Variants in PHF20 observed in about 807,000 individuals in gnomAD.
PHF20 encodes PHD finger protein 20.
Under a neutral mutation model 113.5 loss-of-function variants are expected in PHF20, and 23 were observed. The ratio of observed to expected loss-of-function variants is 0.20; its 90% CI spans 0.15 to 0.29. The LOEUF is 0.29. PHF20 is among the 10% of genes least tolerant of loss of function. PHF20 has a pLI of 1.00. For missense variants in PHF20, 943 were observed against 1,219.6 expected, an observed-to-expected ratio of 0.77 and a Z score of 3.38; for synonymous variants, 434 against 457.3, an observed-to-expected ratio of 0.95 and a Z score of 0.65.
At chr20:35,888,304 A>G (rs2054776824) in intron 9 of PHF20, among the ~76,000 whole-genome samples, 1 of 152,068 alleles carries the variant, frequency 6.6e-6, no homozygotes, top group Non-Finnish European at 1.5e-5. Flanking sequence ...ATTAAAAGCA[A>G]AATTTGTGGA....
chr20:35,907,644 C>G (rs940167512), intron 10 of PHF20, among the ~76,000 whole-genome samples: 3 of 152,224 alleles, frequency 2.0e-5, no homozygotes, highest in African/African-American at 7.2e-5. Context: ...AGAACAAACC[C>G]TCTGAGGTGG....
intron 7 of PHF20, among the ~76,000 whole-genome samples, chr20:35,870,033 G>A (rs2054390140): frequency 6.6e-6 from 1 of 150,904 alleles, no homozygotes; most frequent in African/African-American, 2.4e-5. Flanking sequence ...GGCCAGGCGC[G>A]GTAGCTCACG....
At chr20:35,798,687 C>T (rs928779001) in intron 1 of PHF20, among the ~76,000 whole-genome samples, 5 of 152,146 alleles carry the variant, frequency 3.3e-5, no homozygotes, top group African/African-American at 1.2e-4. Flanking sequence ...CTCCTGACCT[C>T]AGGTGATCCG....
chr20:35,783,344 C>T (rs1222018043), intron 1 of PHF20, among the ~76,000 whole-genome samples: 1 of 151,984 alleles, frequency 6.6e-6, no homozygotes, highest in East Asian at 1.9e-4. Flanking sequence ...TCCATGGGCC[C>T]TTCAGTGGGC....
At chr20:35,902,483 C>T (rs192074989) in intron 10 of PHF20, among the ~76,000 whole-genome samples, 2 of 152,298 alleles carry the variant, frequency 1.3e-5, no homozygotes, top group East Asian at 1.9e-4. Flanking sequence ...GGTGTGTGCT[C>T]TCTGTGCTAG....
intron 2 of PHF20, among the ~76,000 whole-genome samples, chr20:35,829,781 G>C (rs531709210): frequency 1.3e-3 from 194 of 152,176 alleles, no homozygotes; most frequent in African/African-American, 4.4e-3. Flanking sequence ...TATTGCATGA[G>C]CCCAGGAGTT....
chr20:35,783,707 C>T (rs1683742676), intron 1 of PHF20, among the ~76,000 whole-genome samples: 2 of 151,866 alleles, frequency 1.3e-5, no homozygotes, highest in South Asian at 4.2e-4. Flanking sequence ...ATTGGCCGGG[C>T]ATGGTGCCTC....
At chr20:35,942,136 T>G (rs920010718) in intron 17 of PHF20, among the ~76,000 whole-genome samples, 1 of 151,906 alleles carries the variant, frequency 6.6e-6, no homozygotes, top group Admixed American at 6.6e-5. Context: ...ACTAGCCAAG[T>G]GTAGGGGTGT....
intron 5 of PHF20, among the ~76,000 whole-genome samples, chr20:35,861,152 T>G (rs1359102443): frequency 3.5e-5 from 5 of 143,510 alleles, no homozygotes; most frequent in East Asian, 2.0e-4. Context: ...ATAGATTGAG[T>G]TTTTTTTTTT....
chr20:35,873,458 G>GTTTTTTTT (rs1400135809), intron 9 of PHF20, among the ~76,000 whole-genome samples: 2 of 114,584 alleles, frequency 1.7e-5, no homozygotes, highest in African/African-American at 3.4e-5. Context: ...TGTTTTGTCT[G>GTTTTTTTT]TTTTTTTGTT....
intron 2 of PHF20, among the ~76,000 whole-genome samples, chr20:35,824,090 G>A (rs1045743758): frequency 3.5e-4 from 54 of 152,120 alleles, no homozygotes; most frequent in African/African-American, 1.3e-3. Context: ...ATACCAGCGA[G>A]CTGGATTGCT....
chr20:35,810,395 C>G (rs2041956063), intron 2 of PHF20, among the ~76,000 whole-genome samples: 1 of 152,118 alleles, frequency 6.6e-6, no homozygotes, highest in South Asian at 2.1e-4. Context: ...TTTACACTGT[C>G]ATGCCCACCT....
At chr20:35,789,290 G>A (rs540185984) in intron 1 of PHF20, among the ~76,000 whole-genome samples, 9 of 152,038 alleles carry the variant, frequency 5.9e-5, no homozygotes, top group East Asian at 5.8e-4. Flanking sequence ...AATTAGCCTG[G>A]CATGGTGGCT....
Position 35,938,742 on chromosome 20 carries a change from A to G in PHF20, c.2346A>G (p.Lys782=), listed in dbSNP as rs757622431. 1 of 1,613,768 alleles carries G rather than the reference A, an allele frequency of 6.2e-7. No individual in the cohort carries two copies. The highest frequency in any genetic ancestry group is 8.5e-7 in the Non-Finnish European group (1 of 1,179,816). Residue 782 remains lysine, a synonymous_variant, in exon 16 of 18, where the codon AAA becomes AAG. Coordinates refer to ENST00000374012, the MANE Select transcript of PHF20 (RefSeq NM_016436.5). ...PDLPLWCQPW[K]QHSGEGRSHF... The stretch of plus-strand genomic sequence containing the variant: ...TGCCGCTGTGGTGCCAGCCTTGGAA[A>G]CAGCACTCAGGGGAGGGGAGATCTC...
At chr20:35,859,752 C>T (rs769391470) in intron 5 of PHF20, among the ~76,000 whole-genome samples, 6 of 152,106 alleles carry the variant, frequency 3.9e-5, no homozygotes, top group Non-Finnish European at 8.8e-5. Context: ...ACCACGTTGT[C>T]CAGGCTGGTC....
At chr20:35,943,618 T>C (rs553292404) in intron 17 of PHF20, among the ~76,000 whole-genome samples, 1 of 152,122 alleles carries the variant, frequency 6.6e-6, no homozygotes, top group East Asian at 1.9e-4. Context: ...ACTTTATTTA[T>C]TTATTTATTT....
chr20:35,792,078 T>C (rs947723927), intron 1 of PHF20, among the ~76,000 whole-genome samples: 2 of 152,206 alleles, frequency 1.3e-5, no homozygotes, highest in African/African-American at 4.8e-5. Context: ...ACTCAACTCA[T>C]GTTTGCTGTC....
At chr20:35,806,888 C>T (rs922658162) in intron 2 of PHF20, among the ~76,000 whole-genome samples, 8 of 151,372 alleles carry the variant, frequency 5.3e-5, no homozygotes, top group East Asian at 1.9e-4. Flanking sequence ...CTCCGCCTCC[C>T]GGGTTCACGC....
At position 35,863,086 on chromosome 20, in the gene PHF20, A is replaced by G; in HGVS notation, c.494A>G (p.Lys165Arg). Residue 165 changes from lysine to arginine, a missense_variant, in exon 6 of 18, where the codon AAG becomes AGG. Transcript: ENST00000374012. ...SLSSSPDKRE[K>R]FKEQRKATVN... ...TCATCATCTCCTGATAAACGAGAGA[A>G]GTTTAAAGAACAGAGAAAAGCAACA... 6.2e-7 allele frequency: 1 copy of G among 1,610,936 alleles called. No individual in the cohort carries two copies. Among genetic ancestry groups the G allele is most frequent in the South Asian group, 1.1e-5 (1 of 90,572 alleles).
Sources: gnomAD v4.1 joint callset for allele counts (sites outside exome capture counted in the v4.1 genomes callset) on GRCh38, gnomAD v4.1.1 for gene constraint, MANE v1.5 for transcripts, NCBI Gene and HGNC (gene_info 2026-07-23, HGNC 2026-07-21) for gene names.